Variants in RALGAPA2 observed in about 807,000 individuals in gnomAD.
The protein encoded by RALGAPA2 is Ral GTPase activating protein catalytic subunit alpha 2.
In RALGAPA2, 139 loss-of-function variants were observed where a neutral mutation model predicts 230.4. The ratio of observed to expected loss-of-function variants is 0.60; its 90% CI spans 0.53 to 0.69. RALGAPA2 has a LOEUF of 0.69. Ranked by LOEUF, RALGAPA2 falls within the 30% of genes least tolerant of loss-of-function variation. RALGAPA2 has a pLI of 0.00. For missense variants in RALGAPA2, 2,163 were observed against 2,276.0 expected, an observed-to-expected ratio of 0.95 and a Z score of 1.01; for synonymous variants, 847 against 837.8, an observed-to-expected ratio of 1.01 and a Z score of -0.19.
Position 20,712,090 on chromosome 20 carries a change from A to G in RALGAPA2, c.106+285T>C, listed in dbSNP as rs8184759. Reference sequence around the variant, plus strand: ...TTCACTTGCTGGGAGGACAGGGGACAGGTACCTCTGTGCCCGGCCTCCAGG... The same window carrying G: ...TTCACTTGCTGGGAGGACAGGGGACGGGTACCTCTGTGCCCGGCCTCCAGG... On this transcript the variant is annotated intron_variant, in intron 1 of 39. Transcript: ENST00000202677. This position sits in a 1 kb window ranked among gnomAD's most constrained non-coding sequence, Gnocchi z 5.5. 6.6e-6 allele frequency among the ~76,000 whole-genome samples: 1 copy of G among 152,260 alleles called. No individual in the cohort carries two copies. The highest frequency in any genetic ancestry group is 3.4e-3 in the Middle Eastern group (1 of 294).
At chr20:20,643,359 C>A in intron 5 of RALGAPA2, 147 bp downstream of exon 5, 1 of 760,432 alleles carries the variant, frequency 1.3e-6, no homozygotes. Flanking sequence ...GAACAAAACC[C>A]TAACAATATA....
intron 37 of RALGAPA2, among the ~76,000 whole-genome samples, chr20:20,455,200 G>C (rs983634333): frequency 2.0e-5 from 3 of 152,214 alleles, no homozygotes; most frequent in Non-Finnish European, 4.4e-5. Context: ...GCTCTGCCTC[G>C]CATGACTTGC....
At chr20:20,499,744 G>A (rs6082024) in intron 35 of RALGAPA2, among the ~76,000 whole-genome samples, 4,436 of 152,278 alleles carry the variant, frequency 0.029, 87 homozygotes, top group South Asian at 0.06. Flanking sequence ...GTTTTTGAAC[G>A]CAAATTGTAC....
intron 4 of RALGAPA2, among the ~76,000 whole-genome samples, chr20:20,646,049 G>A (rs1257553533): frequency 1.3e-5 from 2 of 149,558 alleles, no homozygotes; most frequent in African/African-American, 5.0e-5. Flanking sequence ...CTTGGCCTCT[G>A]TAGGGCTTTT....
Position 20,620,517 on chromosome 20 carries a change from A to G in RALGAPA2, c.1347T>C (p.Asp449=). 1 of 1,613,952 alleles carries G rather than the reference A, an allele frequency of 6.2e-7. No homozygotes were observed. Among genetic ancestry groups the G allele is most frequent in the Non-Finnish European group, 8.5e-7 (1 of 1,179,830 alleles). Residue 449 remains aspartate, a synonymous_variant, in exon 11 of 40, where the codon GAT becomes GAC. Transcript: ENST00000202677. The stretch of plus-strand genomic sequence containing the variant: ...ATTTTTCAGCATCTTCTTGGGCAAC[A>G]TCTTTTCTATCTGGCTCCTCCATGA... ...PVFMEEPDRK[D]VAQEDAEKLG...
intron 38 of RALGAPA2, among the ~76,000 whole-genome samples, chr20:20,409,957 A>G (rs2060026427): frequency 6.6e-6 from 1 of 152,252 alleles, no homozygotes; most frequent in South Asian, 2.1e-4. Context: ...CCCACTCAAC[A>G]CTGAATTCCT....
chr20:20,712,638 T>G lies in RALGAPA2; in HGVS notation c.-158A>C. On this transcript the variant is annotated 5_prime_UTR_variant, in exon 1 of 40. Transcript: ENST00000202677. This position sits in a 1 kb window ranked among gnomAD's most constrained non-coding sequence, Gnocchi z 5.5. ...GCCGCCGCCGCCGCCGCCTCAGCTG[T>G]GTCTCCAGGAAGGAGGGGCGGGCCG... 3 of 1,086,424 alleles carry G rather than the reference T, an allele frequency of 2.8e-6. No homozygotes were observed. Among genetic ancestry groups the G allele is most frequent in the Admixed American group, 4.9e-5 (1 of 20,470 alleles). 67.3% of individuals were successfully genotyped at this position (1,086,424 alleles called of 1,614,324 possible). A position where few individuals can be genotyped will look rare whatever the true frequency, so the allele number is the denominator to read the frequency against.
chr20:20,550,233 A>G (rs1602747439), intron 23 of RALGAPA2, among the ~76,000 whole-genome samples: 1 of 152,178 alleles, frequency 6.6e-6, no homozygotes, highest in African/African-American at 2.4e-5. Flanking sequence ...GTGAGAACAT[A>G]CAATGTTTGG....
intron 14 of RALGAPA2, among the ~76,000 whole-genome samples, chr20:20,606,635 C>G (rs1364165884): frequency 6.6e-6 from 1 of 152,008 alleles, no homozygotes; most frequent in Non-Finnish European, 1.5e-5. Context: ...TGACTATCTC[C>G]CCACCACCAC....
At chr20:20,709,384 G>C (rs542957407) in intron 1 of RALGAPA2, among the ~76,000 whole-genome samples, 44 of 152,118 alleles carry the variant, frequency 2.9e-4, no homozygotes, top group African/African-American at 9.6e-4. Context: ...GCTACTCCAG[G>C]GGCTGAGGTG....
chr20:20,671,941 A>T (rs2068149850), intron 3 of RALGAPA2, among the ~76,000 whole-genome samples: 1 of 152,206 alleles, frequency 6.6e-6, no homozygotes, highest in African/African-American at 2.4e-5. Context: ...AGGAGGAGCA[A>T]AGAGGGAAGA....
Position 20,581,201 on chromosome 20 carries a change from C to T in RALGAPA2, c.2707+1849G>A, listed in dbSNP as rs180833499. On this transcript the variant is annotated intron_variant, in intron 20 of 39. Coordinates refer to ENST00000202677, the MANE Select transcript of RALGAPA2 (RefSeq NM_020343.4). Reference sequence around the variant, plus strand: ...CAGAGGTTTATTAAATTGAGCTGTCCAATACATACCCTGAAATGGGATCAA... The same window carrying T: ...CAGAGGTTTATTAAATTGAGCTGTCTAATACATACCCTGAAATGGGATCAA... 1.8e-4 allele frequency among the ~76,000 whole-genome samples: 28 copies of T among 152,172 alleles called. No individual in the cohort carries two copies. The East Asian group carries it at 4.8e-3, about 26-fold the overall frequency.
At chr20:20,400,764 C>T (rs1221217644) in intron 38 of RALGAPA2, among the ~76,000 whole-genome samples, 2 of 152,056 alleles carry the variant, frequency 1.3e-5, no homozygotes, top group Non-Finnish European at 2.9e-5. Flanking sequence ...TCACAGTGAC[C>T]AAAAGTGGAA....
At chr20:20,447,508 A>T (rs1217346965) in intron 37 of RALGAPA2, among the ~76,000 whole-genome samples, 1 of 152,190 alleles carries the variant, frequency 6.6e-6, no homozygotes, top group African/African-American at 2.4e-5. Flanking sequence ...ATGTCCTGTC[A>T]AGGCAGCTAA....
rs747128228 is a variant in RALGAPA2 at position 20,616,019 on chromosome 20, CTAAT to C, written c.1688+20_1688+23del. On this transcript the variant is annotated intron_variant, in intron 13 of 39. Transcript: ENST00000202677. ...AAACAGAAACATCTGTTTTACAATACTAATTAATTTGATATAAACTTACCATGTC... is the reference window on the plus strand; with the variant it reads ...AAACAGAAACATCTGTTTTACAATACTAATTTGATATAAACTTACCATGTC... The C allele has an allele frequency of 4.4e-5, 62 of 1,408,430 alleles. No individual in the cohort carries two copies. The highest frequency in any genetic ancestry group is 2.2e-4 in the Middle Eastern group (1 of 4,522). The allele number at this position is 1,408,430 out of a possible 1,614,324, so 87.2% of individuals were successfully genotyped here.
At chr20:20,577,149 A>G (rs1157814819) in intron 20 of RALGAPA2, among the ~76,000 whole-genome samples, 1 of 152,072 alleles carries the variant, frequency 6.6e-6, no homozygotes, top group East Asian at 1.9e-4. Flanking sequence ...TGTCATCTCG[A>G]GTGTATATGT....
chr20:20,626,544 G>C (rs2066494584), intron 10 of RALGAPA2, among the ~76,000 whole-genome samples: 1 of 152,170 alleles, frequency 6.6e-6, no homozygotes, highest in South Asian at 2.1e-4. Context: ...AGAATTTAGA[G>C]CACACTATTG....
intron 37 of RALGAPA2, among the ~76,000 whole-genome samples, chr20:20,421,737 C>T (rs2060279535): frequency 6.6e-6 from 1 of 152,132 alleles, no homozygotes; most frequent in Non-Finnish European, 1.5e-5. Context: ...TTGGCAGTTC[C>T]TCAAAAAGTT....
intron 37 of RALGAPA2, among the ~76,000 whole-genome samples, chr20:20,455,683 C>A (rs1215093213): frequency 6.6e-6 from 1 of 152,142 alleles, no homozygotes; most frequent in Admixed American, 6.5e-5. Flanking sequence ...ATCAGGCCGG[C>A]TCTTACTATA....
Sources: gnomAD v4.1 joint callset for allele counts (sites outside exome capture counted in the v4.1 genomes callset) on GRCh38, gnomAD v4.1.1 for gene constraint, Gnocchi (gnomAD v3.1) non-coding constraint, MANE v1.5 for transcripts, NCBI Gene and HGNC (gene_info 2026-07-23, HGNC 2026-07-21) for gene names.